Variants in GATAD2B observed in about 807,000 individuals in gnomAD.
GATAD2B encodes the protein transcriptional repressor p66-beta.
In GATAD2B, 8 loss-of-function variants were observed where a neutral mutation model predicts 64.3. The observed-to-expected ratio is 0.12, with a 90% CI of 0.07 to 0.22. The LOEUF is 0.22. Among genes scored for constraint, GATAD2B ranks in the 10% least tolerant of loss-of-function variants. The pLI, the probability that GATAD2B is intolerant of heterozygous loss-of-function variation, is 1.00. For synonymous variants in GATAD2B, 281 were observed against 271.3 expected (o/e 1.04, Z -0.35); for missense variants, 453 against 752.0 (o/e 0.60, Z 4.65).
intron 1 of GATAD2B, among the ~76,000 whole-genome samples, chr1:153,888,944 A>G (rs756850130): frequency 3.9e-5 from 6 of 152,066 alleles, no homozygotes; most frequent in Non-Finnish European, 7.4e-5. Context: ...ATATATAGCT[A>G]CCCTCTATAT....
chr1:153,839,256 A>G (rs1301437394), intron 1 of GATAD2B, among the ~76,000 whole-genome samples: 2 of 152,160 alleles, frequency 1.3e-5, no homozygotes, highest in African/African-American at 2.4e-5. Flanking sequence ...ATAGCTCTAC[A>G]TTCATGCTTG....
At chr1:153,861,116 G>A (rs1005407239) in intron 1 of GATAD2B, among the ~76,000 whole-genome samples, 6 of 152,092 alleles carry the variant, frequency 3.9e-5, no homozygotes, top group East Asian at 3.9e-4. Context: ...AGAGTAAGTC[G>A]GAAGAAAGGG....
intron 1 of GATAD2B, among the ~76,000 whole-genome samples, chr1:153,868,452 G>C (rs1676550523): frequency 6.6e-6 from 1 of 151,358 alleles, no homozygotes; most frequent in Non-Finnish European, 1.5e-5. Context: ...CTAGTTAACA[G>C]CATGGGGGAC....
chr1:153,889,030 T>C (rs1322649886), intron 1 of GATAD2B, among the ~76,000 whole-genome samples: 1 of 152,152 alleles, frequency 6.6e-6, no homozygotes, highest in Non-Finnish European at 1.5e-5. Flanking sequence ...AAGACTAAAA[T>C]GTAAGTTATC....
At chr1:153,847,961 T>C (rs1675746368) in intron 1 of GATAD2B, among the ~76,000 whole-genome samples, 1 of 152,224 alleles carries the variant, frequency 6.6e-6, no homozygotes, top group South Asian at 2.1e-4. Context: ...TCTGAGTAAC[T>C]GTAAAACAAA....
Position 153,828,455 on chromosome 1 carries a change from T to TACACAC in GATAD2B, c.-1-113_-1-108dup, listed in dbSNP as rs71093290. On this transcript the variant is annotated intron_variant, in intron 1 of 10. Transcript: ENST00000368655. ...TTAACAAGAATCTCTCTCTCACACA[T>TACACAC]ACACACACACACACACACACACACA... is the stretch of plus-strand genomic sequence containing the variant. 5,141 of 583,658 alleles carry TACACAC rather than the reference T, an allele frequency of 8.8e-3. 59 individuals carry two copies. Among genetic ancestry groups the TACACAC allele is most frequent in the Admixed American group, 0.07 (2,289 of 32,732 alleles). The allele number at this position is 583,658 out of a possible 1,614,324, so 36.2% of individuals were successfully genotyped here.
At chr1:153,819,785 AC>A in intron 2 of GATAD2B, 50 bp from the exon 3 acceptor site, 1 of 1,533,898 alleles carries the variant, frequency 6.5e-7, no homozygotes, top group Non-Finnish European at 8.8e-7. Context: ...AGTTAAGAAA[AC>A]TTCTATGCTG....
intron 1 of GATAD2B, chr1:153,852,366 C>A (rs943130046): frequency 2.3e-6 from 2 of 858,986 alleles, no homozygotes; most frequent in South Asian, 2.6e-5. Flanking sequence ...CGCCTGCCAT[C>A]ACCCTCATAT....
At chr1:153,824,128 C>G (rs541087812) in intron 2 of GATAD2B, among the ~76,000 whole-genome samples, 2 of 152,310 alleles carry the variant, frequency 1.3e-5, no homozygotes, top group Non-Finnish European at 2.9e-5. Flanking sequence ...AAAGATCACC[C>G]CATGTTGGGT....
intron 1 of GATAD2B, among the ~76,000 whole-genome samples, chr1:153,859,916 T>C (rs1298216540): frequency 4.6e-5 from 6 of 129,136 alleles, no homozygotes; most frequent in East Asian, 4.3e-4. Flanking sequence ...TCTTTTTTTT[T>C]TTTTTTTTTT....
chr1:153,905,121 C>T (rs1677886972), intron 1 of GATAD2B, among the ~76,000 whole-genome samples: 1 of 152,278 alleles, frequency 6.6e-6, no homozygotes, highest in East Asian at 1.9e-4. Flanking sequence ...GCTGGGGTTA[C>T]AGGCATGAGC....
intron 1 of GATAD2B, among the ~76,000 whole-genome samples, chr1:153,894,545 T>G (rs758289553): frequency 6.6e-6 from 1 of 151,748 alleles, no homozygotes; most frequent in Non-Finnish European, 1.5e-5. Context: ...CTTTTCTGTA[T>G]GTACATTATA....
chr1:153,911,595 G>C (rs1678110032), intron 1 of GATAD2B, among the ~76,000 whole-genome samples: 1 of 152,054 alleles, frequency 6.6e-6, no homozygotes, highest in Non-Finnish European at 1.5e-5. Context: ...AATCAGCCGG[G>C]CATGGTGGTA....
At chr1:153,916,492 T>A (rs1173287838) in intron 1 of GATAD2B, among the ~76,000 whole-genome samples, 3 of 152,032 alleles carry the variant, frequency 2.0e-5, no homozygotes, top group Admixed American at 2.0e-4. Flanking sequence ...AGGGAAGAAA[T>A]GATGTTGGAA....
intron 1 of GATAD2B, among the ~76,000 whole-genome samples, chr1:153,878,812 G>A (rs569287632): frequency 1.6e-4 from 18 of 115,294 alleles, no homozygotes; most frequent in Admixed American, 3.7e-4. Context: ...GAGTATTGCT[G>A]TGTCGCCCAG....
intron 7 of GATAD2B, among the ~76,000 whole-genome samples, chr1:153,813,894 C>T (rs952409189): frequency 2.0e-5 from 3 of 152,206 alleles, no homozygotes; most frequent in African/African-American, 7.2e-5. Flanking sequence ...AGGAGAATCG[C>T]TTGAACCTGG....
intron 7 of GATAD2B, among the ~76,000 whole-genome samples, chr1:153,815,214 A>G (rs1295939492): frequency 6.9e-6 from 1 of 145,926 alleles, no homozygotes; most frequent in Non-Finnish European, 1.5e-5. Flanking sequence ...TCAAGGCTGC[A>G]GAGAGCTGAG....
chr1:153,874,377 C>T (rs1676761966), intron 1 of GATAD2B, among the ~76,000 whole-genome samples: 1 of 152,012 alleles, frequency 6.6e-6, no homozygotes, highest in Non-Finnish European at 1.5e-5. Flanking sequence ...ATGAAGTGCC[C>T]CTAAGAGATT....
At position 153,804,754 on chromosome 1, in the gene GATAD2B, C is replaced by T. The variant is rs1318350680; in HGVS notation, c.*5423G>A. ...AGAAACCATTCCTTTCTTTATTAAA[C>T]ATAGCTTGCAAGTGATAAATATTAC... On this transcript the variant is annotated 3_prime_UTR_variant, in exon 11 of 11. Transcript: ENST00000368655. 1 of 152,600 alleles carries T rather than the reference C, an allele frequency of 6.6e-6. No individual in the cohort carries two copies. Among genetic ancestry groups the T allele is most frequent in the African/African-American group, 2.4e-5 (1 of 41,452 alleles). The allele number at this position is 152,600 out of a possible 1,614,324, so 9.5% of individuals were successfully genotyped here.
Sources: allele counts gnomAD v4.1 joint callset (sites outside exome capture counted in the v4.1 genomes callset), GRCh38; gene constraint gnomAD v4.1.1; transcripts MANE v1.5; gene names NCBI Gene and HGNC (gene_info 2026-07-23, HGNC 2026-07-21).